The following CNTNAP2 variants were observed in gnomAD, a reference collection of about 807,000 sequenced individuals.
CNTNAP2 encodes the protein contactin associated protein 2, also known as contactin-associated protein-like 2.
In CNTNAP2, 98 loss-of-function variants were observed where a neutral mutation model predicts 155.2. The ratio of observed to expected loss-of-function variants is 0.63; its 90% CI spans 0.54 to 0.75. The LOEUF (loss-of-function observed/expected upper bound fraction) is 0.75. Among genes scored for constraint, CNTNAP2 ranks in the 30% least tolerant of loss-of-function variants. The pLI is 0.00. For missense variants in CNTNAP2, 1,727 were observed against 1,688.1 expected (o/e 1.02, Z -0.40); for synonymous variants, 651 against 631.2 (o/e 1.03, Z -0.47).
At chr7:146,822,339 GA>G (rs1029826754) in intron 2 of CNTNAP2, among the ~76,000 whole-genome samples, 24 of 152,146 alleles carry the variant, frequency 1.6e-4, no homozygotes, top group African/African-American at 5.3e-4. Context: ...GGGCAGGGGG[GA>G]GTGATAGCAT....
intron 1 of CNTNAP2, among the ~76,000 whole-genome samples, chr7:146,481,192 C>T (rs1796956319): frequency 6.6e-6 from 1 of 152,136 alleles, no homozygotes; most frequent in Non-Finnish European, 1.5e-5. Flanking sequence ...TGGTATATCT[C>T]CCAATATTCC....
In CNTNAP2 at chr7:147,131,043, C is replaced by CATATATATATGTGT. The variant is rs1554441735; in HGVS notation, c.1084-1193_1084-1180dup. Among the ~76,000 whole-genome samples the CATATATATATGTGT allele has an allele frequency of 4.2e-4, 26 of 62,108 alleles. 1 individual carries two copies. The highest frequency in any genetic ancestry group is 1.2e-3 in the African/African-American group (24 of 19,858). The allele number at this position is 62,108 out of a possible 152,430, so 40.7% of individuals were successfully genotyped here. A position where few individuals can be genotyped will look rare whatever the true frequency, so the allele number is the denominator to read the frequency against. On this transcript the variant is annotated intron_variant, in intron 7 of 23. Transcript: ENST00000361727. ...AGCATCAGGTATATATATATATACA[C>CATATATATATGTGT]ATATATATATGTGTATATATATGTG...
chr7:147,586,523 G>GAGGAAGGAAGGAAGGAAGGAAGGAAGGA (rs1554408296), intron 12 of CNTNAP2, among the ~76,000 whole-genome samples: 3 of 42,008 alleles, frequency 7.1e-5, no homozygotes, highest in African/African-American at 4.4e-4. Flanking sequence ...AGAGAGAGAA[G>GAGGAAGGAAGGAAGGAAGGAAGGAAGGA]AGGAAGGAAG....
chr7:146,659,310 T>A (rs1277455858), intron 1 of CNTNAP2, among the ~76,000 whole-genome samples: 1 of 152,162 alleles, frequency 6.6e-6, no homozygotes, highest in East Asian at 1.9e-4. Context: ...AAGGTTAATA[T>A]CTATAAGTAC....
chr7:147,523,995 G>A (rs888619852), intron 11 of CNTNAP2, among the ~76,000 whole-genome samples: 22 of 152,086 alleles, frequency 1.4e-4, no homozygotes, highest in Non-Finnish European at 4.4e-5. Flanking sequence ...TTATGAGTCC[G>A]TTGACATTGC....
chr7:146,695,627 G>C (rs190706879), intron 1 of CNTNAP2, among the ~76,000 whole-genome samples: 3 of 151,744 alleles, frequency 2.0e-5, no homozygotes, highest in South Asian at 2.1e-4. Flanking sequence ...GGGTTTCCTC[G>C]TGTTGCCTAG....
chr7:148,406,806 G>C (rs935004955), intron 22 of CNTNAP2, among the ~76,000 whole-genome samples: 33 of 152,192 alleles, frequency 2.2e-4, no homozygotes, highest in African/African-American at 7.7e-4. Context: ...AAATCTTCCT[G>C]TGCTTATGGT....
At chr7:147,669,112 C>T (rs1414754353) in intron 13 of CNTNAP2, among the ~76,000 whole-genome samples, 1 of 152,102 alleles carries the variant, frequency 6.6e-6, no homozygotes, top group African/African-American at 2.4e-5. Flanking sequence ...ACCATATAGC[C>T]TAGCTGTGTA....
chr7:146,516,106 T>A (rs186322312), intron 1 of CNTNAP2, among the ~76,000 whole-genome samples: 13 of 152,070 alleles, frequency 8.5e-5, no homozygotes, highest in Non-Finnish European at 1.5e-4. Context: ...AATTTCAACA[T>A]GAGAGAAAAA....
At chr7:146,965,760 A>G (rs1035567943) in intron 3 of CNTNAP2, among the ~76,000 whole-genome samples, 4 of 152,204 alleles carry the variant, frequency 2.6e-5, no homozygotes, top group African/African-American at 9.6e-5. Flanking sequence ...ACTAAACTTT[A>G]TTCAGAGGGA....
rs890992479 is a variant in CNTNAP2, at chr7:147,937,599, A to G, written c.2255+33878A>G. Reference sequence around the variant, plus strand: ...CATTCTTATTCTCTCTCCATGCGGCATGGGCACTCTCTCTCCTGCCTGAGT... The same window carrying G: ...CATTCTTATTCTCTCTCCATGCGGCGTGGGCACTCTCTCTCCTGCCTGAGT... On this transcript the variant is annotated intron_variant, in intron 14 of 23. Transcript: ENST00000361727. Among the ~76,000 whole-genome samples, 6 of 152,008 alleles carry G rather than the reference A, an allele frequency of 3.9e-5. 1 individual carries two copies. Among genetic ancestry groups the G allele is most frequent in the Non-Finnish European group, 2.9e-5 (2 of 68,002 alleles).
intron 13 of CNTNAP2, among the ~76,000 whole-genome samples, chr7:147,681,336 C>T (rs1795945789): frequency 6.6e-6 from 1 of 151,902 alleles, no homozygotes; most frequent in African/African-American, 2.4e-5. Flanking sequence ...TATCATTCTT[C>T]CTGAAACACT....
intron 1 of CNTNAP2, among the ~76,000 whole-genome samples, chr7:146,769,500 C>A (rs995036935): frequency 6.6e-6 from 1 of 152,196 alleles, no homozygotes; most frequent in African/African-American, 2.4e-5. Context: ...TATGTGCTTG[C>A]ATGGAGTGCT....
chr7:147,533,373 C>A (rs4141165), intron 11 of CNTNAP2, among the ~76,000 whole-genome samples: 1 of 151,804 alleles, frequency 6.6e-6, no homozygotes, highest in Non-Finnish European at 1.5e-5. Flanking sequence ...AAATATGAAA[C>A]CTTTGGGTGA....
chr7:147,666,891 A>G (rs941832410), intron 13 of CNTNAP2, among the ~76,000 whole-genome samples: 1 of 152,236 alleles, frequency 6.6e-6, no homozygotes, highest in Non-Finnish European at 1.5e-5. Context: ...GAACAAAATG[A>G]TGGAAGCTGA....
chr7:146,859,846 A>T (rs1171016426), intron 3 of CNTNAP2, among the ~76,000 whole-genome samples: 1 of 152,144 alleles, frequency 6.6e-6, no homozygotes, highest in Non-Finnish European at 1.5e-5. Flanking sequence ...AGAGAACCAA[A>T]GATAGAGTAA....
At chr7:147,968,225 C>T (rs1175730555) in intron 14 of CNTNAP2, among the ~76,000 whole-genome samples, 71 of 152,132 alleles carry the variant, frequency 4.7e-4, no homozygotes, top group Non-Finnish European at 1.3e-4. Context: ...TGCAAAGAAT[C>T]CCGAAATGGT....
chr7:147,889,501 A>G (rs1482721608), intron 13 of CNTNAP2, among the ~76,000 whole-genome samples: 1 of 152,168 alleles, frequency 6.6e-6, no homozygotes, highest in African/African-American at 2.4e-5. Flanking sequence ...CAAATGAAAG[A>G]GAAAAAAAAA....
At chr7:147,012,644 A>C (rs1195747806) in intron 3 of CNTNAP2, among the ~76,000 whole-genome samples, 1 of 152,144 alleles carries the variant, frequency 6.6e-6, no homozygotes, top group African/African-American at 2.4e-5. Context: ...ATGAAACTTG[A>C]GAATTGTGAT....
Sources: allele counts gnomAD v4.1 joint callset (sites outside exome capture counted in the v4.1 genomes callset), GRCh38; gene constraint gnomAD v4.1.1; transcripts MANE v1.5; gene names NCBI Gene and HGNC (gene_info 2026-07-23, HGNC 2026-07-21).